Variants in RASIP1 observed in about 807,000 individuals in gnomAD.
RASIP1 encodes the protein ras-interacting protein 1.
In RASIP1, 20 loss-of-function variants were observed where a neutral mutation model predicts 85.3. That is an observed-to-expected ratio of 0.23 (90% CI 0.17 to 0.34). The LOEUF is 0.34. RASIP1 is among the 10% of genes least tolerant of loss of function. The pLI is 1.00. For missense variants in RASIP1, 1,170 were observed against 1,390.9 expected, an observed-to-expected ratio of 0.84 and a Z score of 2.53; for synonymous variants, 617 against 647.1, an observed-to-expected ratio of 0.95 and a Z score of 0.71.
intron 4 of RASIP1, among the ~76,000 whole-genome samples, chr19:48,734,435 T>G (rs939363218): frequency 8.7e-5 from 13 of 149,216 alleles, no homozygotes; most frequent in African/African-American, 3.2e-4. Context: ...TGCCTCAGTC[T>G]CCCGAGTAGC....
chr19:48,737,856 C>G (rs2033601818), intron 3 of RASIP1: 13 of 982,262 alleles, frequency 1.3e-5, no homozygotes, highest in Non-Finnish European at 1.4e-5. Flanking sequence ...TGCTCTGCAT[C>G]GCTCCCAAGA....
At position 48,735,500 on chromosome 19, in the gene RASIP1, G is replaced by A. The variant is rs1373929586; in HGVS notation, c.875C>T (p.Ser292Leu). The A allele has an allele frequency of 2.6e-6, 4 of 1,554,250 alleles. No homozygotes were observed. The highest frequency in any genetic ancestry group is 3.5e-6 in the Non-Finnish European group (4 of 1,148,980). ...RPQKNRSRAA[S>L]GGAALASPGP... ...AGGACTGGCCAGCGCTGCCCCACCCGACGCCGCCCGGGAGCGGTTCTTCTG... is the reference window on the plus strand; with the variant it reads ...AGGACTGGCCAGCGCTGCCCCACCCAACGCCGCCCGGGAGCGGTTCTTCTG... The change falls in exon 4 of 12, where the codon TCG becomes TTG. Residue 292 changes from serine (S) to leucine (L), a missense_variant. By Grantham distance (145) the Ser-to-Leu change is moderately radical. Transcript: ENST00000222145.
intron 4 of RASIP1, 49 bp downstream of exon 4, chr19:48,735,147 A>G (rs1208811568): frequency 5.3e-6 from 8 of 1,498,958 alleles, no homozygotes; most frequent in African/African-American, 4.2e-5. Flanking sequence ...TCACCCACCA[A>G]CAGATGGGGT....
chr19:48,722,583 G>A (rs747298996), intron 10 of RASIP1, among the ~76,000 whole-genome samples: 4 of 152,072 alleles, frequency 2.6e-5, no homozygotes, highest in South Asian at 2.1e-4. Flanking sequence ...GAGCCACTGC[G>A]CCCAGTTGGG....
rs1485437787 is a variant in RASIP1 at position 48,739,433 on chromosome 19, C to A, written c.350G>T (p.Arg117Leu). The A allele has an allele frequency of 2.1e-6, 3 of 1,446,194 alleles. No homozygotes were observed. Among genetic ancestry groups the A allele is most frequent in the Non-Finnish European group, 2.7e-6 (3 of 1,105,538 alleles). 89.6% of individuals were successfully genotyped at this position (1,446,194 alleles called of 1,614,324 possible). The part of the protein sequence containing the change: ...GGPGTPGGAQ[R>L]WASEKKLPEL... ...CGGCAGCTTCTTCTCGCTGGCCCAG[C>A]GCTGCGCGCCCCCCGGGGTCCCAGG... Residue 117 changes from arginine to leucine, a missense_variant, in exon 3 of 12, where the codon CGC becomes CTC. Transcript: ENST00000222145. This position sits in a 1 kb window ranked among gnomAD's most constrained non-coding sequence, Gnocchi z 9.2.
At position 48,735,467 on chromosome 19, in the gene RASIP1, C is replaced by A. The variant is rs1353761299; in HGVS notation, c.908G>T (p.Gly303Val). 6.3e-7 allele frequency: 1 copy of A among 1,582,312 alleles called. No individual in the cohort carries two copies. Among genetic ancestry groups the A allele is most frequent in the Non-Finnish European group, 8.6e-7 (1 of 1,164,722 alleles). The change falls in exon 4 of 12, where the codon GGG becomes GTG. Residue 303 changes from glycine (G) to valine (V), a missense_variant. Transcript: ENST00000222145. ...GGAALASPGP[G>V]TGSGAPAGSG... ...CCCAGCTGGGGCCCCTGATCCGGTC[C>A]CCGGGCCAGGACTGGCCAGCGCTGC... is the stretch of plus-strand genomic sequence containing the variant.
chr19:48,739,358 G>A lies in RASIP1; in HGVS notation c.425C>T (p.Thr142Met). Residue 142 changes from threonine to methionine, a missense_variant, in exon 3 of 12, where the codon ACG (threonine) becomes ATG (methionine). By Grantham distance (81) the Thr-to-Met change is moderately conservative (BLOSUM62 -1). This residue lies in a region of RASIP1 where 299 missense variants were observed against 394.4 expected (regional missense o/e 0.76). Coordinates refer to ENST00000222145, the MANE Select transcript of RASIP1 (RefSeq NM_017805.3). This position sits in a 1 kb window ranked among gnomAD's most constrained non-coding sequence, Gnocchi z 9.2. ...GATCTTGAGGACCCCCGGAGGCGCC[G>A]TGGCGCGGGTAGCCAGCGGGGGCTC... ...APEPPLATRA[T>M]APPGVLKIFG... 1 of 1,344,708 alleles carries A rather than the reference G, an allele frequency of 7.4e-7. No individual in the cohort carries two copies. The highest frequency in any genetic ancestry group is 9.5e-7 in the Non-Finnish European group (1 of 1,052,728). 83.3% of individuals were successfully genotyped at this position (1,344,708 alleles called of 1,614,324 possible). A position where few individuals can be genotyped will look rare whatever the true frequency, so the allele number is the denominator to read the frequency against.
rs763085115 is a variant in RASIP1, at chr19:48,729,502, T to C, written c.1268A>G (p.Tyr423Cys). The C allele has an allele frequency of 6.6e-5, 105 of 1,593,444 alleles. No individual in the cohort carries two copies. Among genetic ancestry groups the C allele is most frequent in the Middle Eastern group, 3.3e-4 (2 of 6,072 alleles). Reference sequence around the variant, plus strand: ...CGGGGCGTTGAGGAAGGTGTCCACATAGGGAGCCGGGGACCCCCCGCGGCC... The same window carrying C: ...CGGGGCGTTGAGGAAGGTGTCCACACAGGGAGCCGGGGACCCCCCGCGGCC... ...SSGRGGSPAP[Y>C]VDTFLNAPDI... The change falls in exon 5 of 12, where the codon TAT becomes TGT. Residue 423 changes from tyrosine to cysteine, a missense_variant. By Grantham distance (194) the Tyr-to-Cys change is radical. Coordinates refer to ENST00000222145, the MANE Select transcript of RASIP1 (RefSeq NM_017805.3).
intron 4 of RASIP1, 107 bp from the exon 5 acceptor site, chr19:48,729,697 TTCC>T (rs147555772): frequency 8.2e-7 from 1 of 1,226,160 alleles, no homozygotes; most frequent in Non-Finnish European, 1.1e-6. Flanking sequence ...AACTTTTTTT[TTCC>T]TTCTTCTTCT....
At position 48,739,405 on chromosome 19, in the gene RASIP1, C is replaced by G. The variant is rs543231869; in HGVS notation, c.378G>C (p.Glu126Asp). 1.5e-6 allele frequency: 2 copies of G among 1,369,004 alleles called. No homozygotes were observed. The highest frequency in any genetic ancestry group is 3.1e-5 in the African/African-American group (2 of 65,286). 84.8% of individuals were successfully genotyped at this position (1,369,004 alleles called of 1,614,324 possible). Residue 126 changes from glutamate (E) to aspartate (D), a missense_variant, in exon 3 of 12, where the codon GAG becomes GAC. By Grantham distance (45) the Glu-to-Asp change is conservative (BLOSUM62 2). Coordinates refer to ENST00000222145, the MANE Select transcript of RASIP1 (RefSeq NM_017805.3). This position sits in a 1 kb window ranked among gnomAD's most constrained non-coding sequence, Gnocchi z 9.2. Reference protein sequence around the residue: ...QRWASEKKLPELAAGVAPEPP... With the variant: ...QRWASEKKLPDLAAGVAPEPP... ...GCTCGGGGGCCACGCCCGCCGCCAG[C>G]TCCGGCAGCTTCTTCTCGCTGGCCC... is the stretch of plus-strand genomic sequence containing the variant.
intron 4 of RASIP1, among the ~76,000 whole-genome samples, chr19:48,733,208 G>A (rs60068692): frequency 0.056 from 8,525 of 152,084 alleles, 308 homozygotes; most frequent in East Asian, 0.15. Flanking sequence ...GTCCTTTTTT[G>A]TAGAGACAAG....
In RASIP1 at chr19:48,727,395, T is replaced by C; in HGVS notation, c.1869A>G (p.Glu623=). The change falls in exon 6 of 12, where the codon GAA becomes GAG. Residue 623 remains glutamate (E), a splice_region_variant and synonymous_variant. Coordinates refer to ENST00000222145, the MANE Select transcript of RASIP1 (RefSeq NM_017805.3). ...ACTCTGCTCAGAATTTCTCTTACTTTTCTGGCTGACGGTCTCCAATTTCCT... is the reference window on the plus strand; with the variant it reads ...ACTCTGCTCAGAATTTCTCTTACTTCTCTGGCTGACGGTCTCCAATTTCCT... ...KIKEIGDRQP[E]NHPEGVPEVP... 1 of 1,614,040 alleles carries C rather than the reference T, an allele frequency of 6.2e-7. No individual in the cohort carries two copies. The highest frequency in any genetic ancestry group is 8.5e-7 in the Non-Finnish European group (1 of 1,179,890).
chr19:48,738,094 G>A lies in RASIP1; in HGVS notation c.823+866C>T, dbSNP rs747029572. On this transcript the variant is annotated intron_variant, in intron 3 of 11. Coordinates refer to ENST00000222145, the MANE Select transcript of RASIP1 (RefSeq NM_017805.3). This position sits in a 1 kb window ranked among gnomAD's most constrained non-coding sequence, Gnocchi z 4.0. ...CGAGTAGCTGGGATTACAGGCATGC[G>A]TCACCACGCTCGGCTAATTTTTGTA... Among the ~76,000 whole-genome samples, 2 of 152,066 alleles carry A rather than the reference G, an allele frequency of 1.3e-5. No homozygotes were observed. The highest frequency in any genetic ancestry group is 2.9e-5 in the Non-Finnish European group (2 of 68,032).
chr19:48,725,982 A>G (rs972873351), intron 8 of RASIP1, among the ~76,000 whole-genome samples: 2 of 151,966 alleles, frequency 1.3e-5, no homozygotes, highest in Admixed American at 1.3e-4. Flanking sequence ...CCTGGAGTGC[A>G]ATGGTGCGAT....
chr19:48,727,109 C>T lies in RASIP1; in HGVS notation c.1921G>A (p.Val641Met). 6.2e-7 allele frequency: 1 copy of T among 1,614,222 alleles called. No homozygotes were observed. Among genetic ancestry groups the T allele is most frequent in the Non-Finnish European group, 8.5e-7 (1 of 1,180,040 alleles). ...CACAGCATGAGTGGCCGCAGCTCCA[C>T]AGACACAGCTTCAGGAGTCAGGGGC... ...EVPLTPEAVS[V>M]ELRPLMLWMA... Residue 641 changes from valine to methionine, a missense_variant, in exon 7 of 12, where the codon GTG becomes ATG. By Grantham distance (21) the Val-to-Met change is conservative (BLOSUM62 1). Transcript: ENST00000222145.
chr19:48,734,228 GAGCTTGC>G (rs2033521783), intron 4 of RASIP1, among the ~76,000 whole-genome samples: 1 of 151,884 alleles, frequency 6.6e-6, no homozygotes. Context: ...CCAGGAGACA[GAGCTTGC>G]AGTGAGCCGA....
At chr19:48,729,709 CTTTTTTTTTT>C (rs35424254) in intron 4 of RASIP1, 119 bp from the exon 5 acceptor site, 24 of 381,372 alleles carry the variant, frequency 6.3e-5, no homozygotes, top group African/African-American at 5.3e-4. Context: ...CCTTCTTCTT[CTTTTTTTTTT>C]TTTTTTTTTT....
At position 48,724,848 on chromosome 19, in the gene RASIP1, G is replaced by A. The variant is rs758096963; in HGVS notation, c.2240C>T (p.Thr747Ile). Residue 747 changes from threonine (T) to isoleucine (I), a missense_variant, in exon 9 of 12, where the codon ACC (threonine) becomes ATC (isoleucine). By Grantham distance (89) the Thr-to-Ile change is moderately conservative (BLOSUM62 -1). Coordinates refer to ENST00000222145, the MANE Select transcript of RASIP1 (RefSeq NM_017805.3). The surrounding 1 kb of genome is among the most constrained non-coding windows in gnomAD (Gnocchi z 4.6). ...CAAGGCTGCCTGGAACACGCCCAGG[G>A]TAGGTCTCAATCCTGGAGGCATGGC... ...LGAMPPGLRP[T>I]LGVFQAALEL... 6.2e-7 allele frequency: 1 copy of A among 1,614,246 alleles called. No homozygotes were observed. The highest frequency in any genetic ancestry group is 8.5e-7 in the Non-Finnish European group (1 of 1,180,052).
Position 48,720,899 on chromosome 19 carries a change from G to A in RASIP1, c.2791C>T (p.His931Tyr). Residue 931 changes from histidine to tyrosine, a missense_variant, in exon 12 of 12, where the codon CAC (histidine) becomes TAC (tyrosine). By Grantham distance (83) the His-to-Tyr change is moderately conservative. Around this residue, in one of 4 missense-constraint regions of RASIP1, gnomAD observed 144 missense variants for 125.5 expected, o/e 1.15. Transcript: ENST00000222145. Reference sequence around the variant, plus strand: ...CGGCGGAGCCTACGGAGTTCACGGTGCAAGGCATCGTCCGTCACTGGACCA... The same window carrying A: ...CGGCGGAGCCTACGGAGTTCACGGTACAAGGCATCGTCCGTCACTGGACCA... ...LTGPVTDDAL[H>Y]RELRRLRRLL... is the part of the protein sequence containing the mutation. 6.2e-7 allele frequency: 1 copy of A among 1,613,956 alleles called. No homozygotes were observed. The highest frequency in any genetic ancestry group is 8.5e-7 in the Non-Finnish European group (1 of 1,180,006).
Sources: gnomAD v4.1 joint callset for allele counts (sites outside exome capture counted in the v4.1 genomes callset) on GRCh38, gnomAD v4.1.1 for gene constraint, gnomAD v4.1.1 regional missense constraint, Gnocchi (gnomAD v3.1) non-coding constraint, MANE v1.5 for transcripts, NCBI Gene and HGNC (gene_info 2026-07-23, HGNC 2026-07-21) for gene names.